The following SH2B1 variants were observed in gnomAD, a reference collection of about 807,000 sequenced individuals.
SH2B1 encodes SH2B adaptor protein 1.
Under a neutral mutation model 62.6 loss-of-function variants are expected in SH2B1, and 15 were observed. That is an observed-to-expected ratio of 0.24 (90% CI 0.16 to 0.37). The LOEUF (loss-of-function observed/expected upper bound fraction) is 0.37. SH2B1 is among the 10% of genes least tolerant of loss of function. The pLI is 1.00. For missense variants in SH2B1, 925 were observed against 1,015.6 expected (o/e 0.91, Z 1.21); for synonymous variants, 443 against 438.0 (o/e 1.01, Z -0.14).
chr16:28,866,149 C>T lies in SH2B1; in HGVS notation c.55C>T (p.Pro19Ser). 2 of 1,529,408 alleles carry T rather than the reference C, an allele frequency of 1.3e-6. No individual in the cohort carries two copies. The highest frequency in any genetic ancestry group is 1.4e-5 in the African/African-American group (1 of 73,002). 94.7% of individuals were successfully genotyped at this position (1,529,408 alleles called of 1,614,324 possible). A position where few individuals can be genotyped will look rare whatever the true frequency, so the allele number is the denominator to read the frequency against. The change falls in exon 1 of 8, where the codon CCC becomes TCC. Residue 19 changes from proline to serine, a missense_variant. Physicochemically the swap from Pro to Ser is moderately conservative, Grantham distance 74. This residue lies in a region of SH2B1 where 683 missense variants were observed against 704.0 expected (regional missense o/e 0.97). Coordinates refer to ENST00000684370, the MANE Select transcript of SH2B1 (RefSeq NM_001387430.1). This position sits in a 1 kb window ranked among gnomAD's most constrained non-coding sequence, Gnocchi z 6.3. The stretch of plus-strand genomic sequence containing the variant: ...GGCCTCCCCCTCGTCTCCCCCGCTG[C>T]CCCCACCCCCGCCCCCTAGTTGGCG... ...DGASPSSPPL[P>S]PPPPPSWREF...
chr16:28,852,070 A>C (rs2152154575), intron 1 of SH2B1, among the ~76,000 whole-genome samples: 1 of 150,144 alleles, frequency 6.7e-6, no homozygotes, highest in South Asian at 2.1e-4. Flanking sequence ...CTGTCTCAAA[A>C]AAAAGAAAAA....
Position 28,866,307 on chromosome 16 carries a change from C to A in SH2B1, c.213C>A (p.Leu71=). 6.2e-7 allele frequency: 1 copy of A among 1,611,296 alleles called. No individual in the cohort carries two copies. The highest frequency in any genetic ancestry group is 8.5e-7 in the Non-Finnish European group (1 of 1,179,338). Residue 71 remains leucine (L), a synonymous_variant, in exon 1 of 8, where the codon CTC becomes CTA. Coordinates refer to ENST00000684370, the MANE Select transcript of SH2B1 (RefSeq NM_001387430.1). This position sits in a 1 kb window ranked among gnomAD's most constrained non-coding sequence, Gnocchi z 6.3. ...CCTTCTCCCGCCGTTTTGCTGAGCT[C>A]TTCCTGCAGCACTTTGAAGCCGAGG... is the stretch of plus-strand genomic sequence containing the variant. ...EAAFSRRFAE[L]FLQHFEAEVA...
In SH2B1 at chr16:28,873,703, G is replaced by T; in HGVS notation, c.2154G>T (p.Gly718=). 1 of 1,509,724 alleles carries T rather than the reference G, an allele frequency of 6.6e-7. No individual in the cohort carries two copies. Among genetic ancestry groups the T allele is most frequent in the Non-Finnish European group, 8.9e-7 (1 of 1,126,902 alleles). 93.5% of individuals were successfully genotyped at this position (1,509,724 alleles called of 1,614,324 possible). Residue 718 remains glycine, a synonymous_variant, in exon 8 of 8, where the codon GGG becomes GGT. Coordinates refer to ENST00000684370, the MANE Select transcript of SH2B1 (RefSeq NM_001387430.1). This position sits in a 1 kb window ranked among gnomAD's most constrained non-coding sequence, Gnocchi z 4.2. ...CAGGCTCAGAGGCCCAGGGCGCTGG[G>T]TCTGGTGGGGACGCGGGGGTGCCCC... The part of the protein sequence containing the change: ...IAPGSEAQGA[G]SGGDAGVPPM...
At chr16:28,856,017 T>C (rs966410092) in intron 1 of SH2B1, among the ~76,000 whole-genome samples, 7 of 149,248 alleles carry the variant, frequency 4.7e-5, no homozygotes, top group Admixed American at 6.7e-5. Context: ...TGGCTCACAC[T>C]TGTAATCCCA....
At position 28,865,775 on chromosome 16, in the gene SH2B1, A is replaced by C; in HGVS notation, c.-320A>C. On this transcript the variant is annotated 5_prime_UTR_variant, in exon 1 of 8. Coordinates refer to ENST00000684370, the MANE Select transcript of SH2B1 (RefSeq NM_001387430.1). ...GCCCTCTACTGCTGGATCCAAAGCT[A>C]AGGAAAGTGGGGGCAAATGTGGCAG... The C allele has an allele frequency of 8.9e-7, 1 of 1,123,620 alleles. No homozygotes were observed. The highest frequency in any genetic ancestry group is 4.7e-5 in the Admixed American group (1 of 21,486). The allele number at this position is 1,123,620 out of a possible 1,614,324, so 69.6% of individuals were successfully genotyped here. A position where few individuals can be genotyped will look rare whatever the true frequency, so the allele number is the denominator to read the frequency against.
intron 1 of SH2B1, among the ~76,000 whole-genome samples, chr16:28,855,224 T>C (rs1962292661): frequency 6.6e-6 from 1 of 151,630 alleles, no homozygotes; most frequent in Non-Finnish European, 1.5e-5. Context: ...TGATTGTTTC[T>C]TTTTTTAATT....
chr16:28,861,271 T>C (rs1962439550), upstream of SH2B1, among the ~76,000 whole-genome samples: 2 of 152,166 alleles, frequency 1.3e-5, no homozygotes, highest in South Asian at 4.1e-4. Flanking sequence ...TAGCTGAGAT[T>C]ACAGGTATGT....
chr16:28,859,066 C>T (rs1459186413), upstream of SH2B1, among the ~76,000 whole-genome samples: 6 of 151,930 alleles, frequency 3.9e-5, no homozygotes, highest in East Asian at 1.9e-4. Context: ...CTTAGCCTCC[C>T]GAGTAGCTGG....
chr16:28,866,638 G>C lies in SH2B1; in HGVS notation c.544G>C (p.Ala182Pro), dbSNP rs558967163. Residue 182 changes from alanine (A) to proline (P), a missense_variant, in exon 1 of 8, where the codon GCT (alanine) becomes CCT (proline). Coordinates refer to ENST00000684370, the MANE Select transcript of SH2B1 (RefSeq NM_001387430.1). The surrounding 1 kb of genome is among the most constrained non-coding windows in gnomAD (Gnocchi z 6.3). ...GGGGACCGTTGACCCTCCCTCCTCC[G>C]CTGGGCCCCTGGAGACCTCGTCAGG... ...WRGTVDPPSS[A>P]GPLETSSGPP... is the part of the protein sequence containing the mutation. 6.2e-7 allele frequency: 1 copy of C among 1,613,362 alleles called. No individual in the cohort carries two copies. The highest frequency in any genetic ancestry group is 1.3e-5 in the African/African-American group (1 of 74,996).
intron 1 of SH2B1, among the ~76,000 whole-genome samples, chr16:28,847,816 CTTTTTTTTTTTTTTT>C (rs34950443): frequency 1.2e-5 from 1 of 84,244 alleles, no homozygotes; most frequent in East Asian, 3.9e-4. Context: ...AAGACCCCAT[CTTTTTTTTTTTTTTT>C]TTTTTTTTTT....
At chr16:28,849,910 G>A (rs776862014) in intron 1 of SH2B1, among the ~76,000 whole-genome samples, 2 of 151,448 alleles carry the variant, frequency 1.3e-5, no homozygotes, top group South Asian at 2.1e-4. Flanking sequence ...GTGACAGAGC[G>A]AGACTCTGTC....
chr16:28,866,151 C>A lies in SH2B1; in HGVS notation c.57C>A (p.Pro19=). 1 of 1,550,360 alleles carries A rather than the reference C, an allele frequency of 6.5e-7. No homozygotes were observed. Among genetic ancestry groups the A allele is most frequent in the Non-Finnish European group, 8.7e-7 (1 of 1,149,212 alleles). ...DGASPSSPPL[P]PPPPPSWREF... is the part of the protein sequence containing the mutation. ...CCTCCCCCTCGTCTCCCCCGCTGCC[C>A]CCACCCCCGCCCCCTAGTTGGCGGG... The change falls in exon 1 of 8, where the codon CCC becomes CCA. Residue 19 remains proline (P), a synonymous_variant. Transcript: ENST00000684370. This position sits in a 1 kb window ranked among gnomAD's most constrained non-coding sequence, Gnocchi z 6.3.
intron 1 of SH2B1, among the ~76,000 whole-genome samples, chr16:28,852,624 T>A (rs181194098): frequency 1.5e-5 from 1 of 64,716 alleles, no homozygotes; most frequent in African/African-American, 7.8e-5. Flanking sequence ...ACATATATAT[T>A]TATATATATA....
intron 1 of SH2B1, among the ~76,000 whole-genome samples, chr16:28,847,255 T>C (rs1437635351): frequency 6.6e-6 from 1 of 150,608 alleles, no homozygotes; most frequent in Non-Finnish European, 1.5e-5. Flanking sequence ...GGGTGGAGCA[T>C]GCAGTGAATG....
chr16:28,863,406 T>C, upstream of SH2B1: 1 of 400,416 alleles, frequency 2.5e-6, no homozygotes, highest in Non-Finnish European at 4.5e-6. Flanking sequence ...CTTTCCTCGC[T>C]CAGCTCCTTG....
chr16:28,866,517 T>C lies in SH2B1; in HGVS notation c.423T>C (p.Ser141=). ...TCCCTTCCTCAGTCTCTTCCTCCTC[T>C]ACAACCTCCTCCAAGCCGAAGCTCA... ...GPLPSSVSSS[S]TTSSKPKLKK... The change falls in exon 1 of 8, where the codon TCT becomes TCC. Residue 141 remains serine (S), a synonymous_variant. Coordinates refer to ENST00000684370, the MANE Select transcript of SH2B1 (RefSeq NM_001387430.1). This position sits in a 1 kb window ranked among gnomAD's most constrained non-coding sequence, Gnocchi z 6.3. 1 of 1,614,038 alleles carries C rather than the reference T, an allele frequency of 6.2e-7. No homozygotes were observed. Among genetic ancestry groups the C allele is most frequent in the South Asian group, 1.1e-5 (1 of 91,078 alleles).
rs1211653870 is a variant in SH2B1 at position 28,852,785 on chromosome 16, CAT to C, written c.-301+5965_-301+5966del. Among the ~76,000 whole-genome samples the C allele has an allele frequency of 3.8e-4, 16 of 41,666 alleles. 2 individuals are homozygous for C. Among genetic ancestry groups the C allele is most frequent in the Admixed American group, 4.8e-4 (1 of 2,092 alleles). The allele number at this position is 41,666 out of a possible 152,430, so 27.3% of individuals were successfully genotyped here. A position where few individuals can be genotyped will look rare whatever the true frequency, so the allele number is the denominator to read the frequency against. ...ATATATATATTTATATATATATTTA[CAT>C]ATATATTTACATATATATTTACATA... is the stretch of plus-strand genomic sequence containing the variant. On this transcript the variant is annotated intron_variant, in intron 1 of 10. Transcript: ENST00000322610.
rs1050082155 is a variant in SH2B1, at chr16:28,873,722, G to A, written c.2173G>A (p.Val725Met). The A allele has an allele frequency of 1.5e-5, 23 of 1,497,094 alleles. No individual in the cohort carries two copies. Among genetic ancestry groups the A allele is most frequent in the Non-Finnish European group, 1.9e-5 (21 of 1,121,842 alleles). 92.7% of individuals were successfully genotyped at this position (1,497,094 alleles called of 1,614,324 possible). A position where few individuals can be genotyped will look rare whatever the true frequency, so the allele number is the denominator to read the frequency against. Residue 725 changes from valine (V) to methionine (M), a missense_variant, in exon 8 of 8, where the codon GTG (valine) becomes ATG (methionine). Around this residue, in one of 3 missense-constraint regions of SH2B1, gnomAD observed 185 missense variants for 189.5 expected, o/e 0.98. Transcript: ENST00000684370. The surrounding 1 kb of genome is among the most constrained non-coding windows in gnomAD (Gnocchi z 4.2). ...QGAGSGGDAG[V>M]PPMVQLQQSP... ...CGCTGGGTCTGGTGGGGACGCGGGG[G>A]TGCCCCCAATGGTGCAGCTGCAGCA...
At chr16:28,871,447 C>T (rs936874849) in intron 4 of SH2B1, among the ~76,000 whole-genome samples, 26 of 152,288 alleles carry the variant, frequency 1.7e-4, no homozygotes, top group Admixed American at 1.4e-3. Flanking sequence ...TATTATATAG[C>T]GAGACCCCTT....
Sources: gnomAD v4.1 joint callset for allele counts (sites outside exome capture counted in the v4.1 genomes callset) on GRCh38, gnomAD v4.1.1 for gene constraint, gnomAD v4.1.1 regional missense constraint, Gnocchi (gnomAD v3.1) non-coding constraint, MANE v1.5 for transcripts, NCBI Gene and HGNC (gene_info 2026-07-23, HGNC 2026-07-21) for gene names.